Variants in BMAL1 observed in about 807,000 individuals in gnomAD.
BMAL1 encodes the protein basic helix-loop-helix ARNT like 1.
At chr11:13,349,011 G>A in the BMAL1 span, among the ~76,000 whole-genome samples, 2 of 152,246 alleles carry the variant, frequency 1.3e-5, no homozygotes, top group African/African-American at 4.8e-5. Flanking sequence ...GGAGGATGTG[G>A]GGTGACCCTT....
chr11:13,378,117 G>C, the BMAL1 span, among the ~76,000 whole-genome samples: 1 of 152,076 alleles, frequency 6.6e-6, no homozygotes, highest in Non-Finnish European at 1.5e-5. Context: ...ATTAGATGCT[G>C]TATGAAGGGA....
chr11:13,371,772 G>A, the BMAL1 span, among the ~76,000 whole-genome samples: 2 of 152,168 alleles, frequency 1.3e-5, no homozygotes, highest in Admixed American at 1.3e-4. Flanking sequence ...CTCTTGGCCA[G>A]TTCCTATATA....
chr11:13,290,559 ATAT>A, the BMAL1 span, among the ~76,000 whole-genome samples: 60,194 of 148,896 alleles, frequency 0.4, 14,583 homozygotes, highest in Non-Finnish European at 0.55. Flanking sequence ...ACAAGTGTAT[ATAT>A]TATTATTATT....
At chr11:13,362,493 T>A in the BMAL1 span, among the ~76,000 whole-genome samples, 1 of 152,234 alleles carries the variant, frequency 6.6e-6, no homozygotes, top group Non-Finnish European at 1.5e-5. Flanking sequence ...CTTTCATCCT[T>A]GTTTATTCAT....
At chr11:13,378,776 T>G in the BMAL1 span, 5 of 283,428 alleles carry the variant, frequency 1.8e-5, no homozygotes, top group Non-Finnish European at 3.3e-5. Flanking sequence ...AGACTTAACT[T>G]TCTTATGGCT....
At chr11:13,282,686 A>G in the BMAL1 span, among the ~76,000 whole-genome samples, 2 of 152,144 alleles carry the variant, frequency 1.3e-5, no homozygotes, top group African/African-American at 2.4e-5. Flanking sequence ...CAATGTCCAC[A>G]TTGATTTTTC....
At chr11:13,354,335 T>C in the BMAL1 span, 3 of 1,612,814 alleles carry the variant, frequency 1.9e-6, 1 homozygote, top group Middle Eastern at 3.3e-4. Flanking sequence ...TGGACATTTC[T>C]TCAACCATCA....
chr11:13,376,797 T>TG, the BMAL1 span: 1 of 1,452,932 alleles, frequency 6.9e-7, no homozygotes, highest in Non-Finnish European at 9.4e-7. Flanking sequence ...TATCCTCCCC[T>TG]AAAGTATTCA....
At chr11:13,376,635 C>T in the BMAL1 span, 2 of 1,613,988 alleles carry the variant, frequency 1.2e-6, no homozygotes, top group Non-Finnish European at 1.7e-6. Context: ...CTGGGATGTT[C>T]ACAGAGCCAA....
the BMAL1 span, among the ~76,000 whole-genome samples, chr11:13,321,339 A>G: frequency 6.6e-6 from 1 of 152,216 alleles, no homozygotes; most frequent in Non-Finnish European, 1.5e-5. Context: ...CTGTATACCA[A>G]GCACATGTGC....
At chr11:13,377,213 C>A in the BMAL1 span, among the ~76,000 whole-genome samples, 18 of 152,116 alleles carry the variant, frequency 1.2e-4, no homozygotes, top group Admixed American at 4.6e-4. Context: ...GGCTGCAGCC[C>A]CCATCGATGA....
chr11:13,379,177 T>C, the BMAL1 span: 1 of 152,222 alleles, frequency 6.6e-6, no homozygotes, highest in African/African-American at 2.4e-5. Context: ...CAGCCTGACA[T>C]ATAGTGAGTG....
chr11:13,349,223 C>G, the BMAL1 span, among the ~76,000 whole-genome samples: 1 of 152,212 alleles, frequency 6.6e-6, no homozygotes, highest in African/African-American at 2.4e-5. Context: ...TTCTTTAGAC[C>G]GAGGAGCTCG....
chr11:13,362,008 T>C, the BMAL1 span, among the ~76,000 whole-genome samples: 4 of 151,974 alleles, frequency 2.6e-5, no homozygotes, highest in Non-Finnish European at 4.4e-5. Context: ...CAGAAACAAG[T>C]GTTTATAGAT....
the BMAL1 span, among the ~76,000 whole-genome samples, chr11:13,299,629 A>G: frequency 6.6e-6 from 1 of 151,986 alleles, no homozygotes; most frequent in Non-Finnish European, 1.5e-5. Flanking sequence ...GCCCTGGGAG[A>G]GAAGCTCTAG....
At chr11:13,284,266 A>ATTTTTT in the BMAL1 span, among the ~76,000 whole-genome samples, 2 of 44,882 alleles carry the variant, frequency 4.5e-5, no homozygotes, top group Non-Finnish European at 4.7e-5. Flanking sequence ...ATATATATAT[A>ATTTTTT]TTTTTTTTTT....
At chr11:13,375,737 A>G in the BMAL1 span, 3 of 1,592,332 alleles carry the variant, frequency 1.9e-6, no homozygotes, top group South Asian at 3.5e-5. Context: ...AGTAGAATAT[A>G]TTGTCTCAAC....
At chr11:13,333,051 C>T in the BMAL1 span, among the ~76,000 whole-genome samples, 1 of 151,480 alleles carries the variant, frequency 6.6e-6, no homozygotes, top group South Asian at 2.1e-4. Context: ...ATTGCAGCCT[C>T]TGCCTGCTGG....
At chr11:13,348,479 G>A in the BMAL1 span, among the ~76,000 whole-genome samples, 14 of 152,272 alleles carry the variant, frequency 9.2e-5, no homozygotes, top group South Asian at 2.7e-3. Context: ...AGGATCTGGA[G>A]GGAAGTGGCT....
Sources: gnomAD v4.1 joint callset for allele counts (sites outside exome capture counted in the v4.1 genomes callset) on GRCh38, gnomAD v4.1.1 for gene constraint, MANE v1.5 for transcripts, NCBI Gene and HGNC (gene_info 2026-07-23, HGNC 2026-07-21) for gene names.